The following ANK3 variants were observed in gnomAD, a reference collection of about 807,000 sequenced individuals.
ANK3 encodes ankyrin-3.
In ANK3, 57 loss-of-function variants were observed where a neutral mutation model predicts 370.9. The ratio of observed to expected loss-of-function variants is 0.15; its 90% CI spans 0.12 to 0.19. ANK3 has a LOEUF of 0.19. ANK3 is among the 10% of genes least tolerant of loss of function. The probability of loss-of-function intolerance (pLI) is 1.00; values close to 1 mark genes in which losing one functional copy is unlikely to be tolerated. For missense variants in ANK3, 4,439 were observed against 5,302.1 expected, an observed-to-expected ratio of 0.84 and a Z score of 5.06; for synonymous variants, 1,929 against 1,946.3, an observed-to-expected ratio of 0.99 and a Z score of 0.23.
chr10:60,485,261 G>A (rs551349906), intron 2 of ANK3, among the ~76,000 whole-genome samples: 21 of 152,054 alleles, frequency 1.4e-4, no homozygotes, highest in Non-Finnish European at 2.6e-4. Flanking sequence ...GTCTACACCT[G>A]TTCAGGATCC....
chr10:60,163,705 A>G (rs1336827635), intron 23 of ANK3, among the ~76,000 whole-genome samples: 1 of 152,134 alleles, frequency 6.6e-6, no homozygotes, highest in Non-Finnish European at 1.5e-5. Context: ...TTAATTTTTT[A>G]TCTTATTTAT....
chr10:60,562,455 C>T (rs2077359877), intron 2 of ANK3, among the ~76,000 whole-genome samples: 1 of 152,066 alleles, frequency 6.6e-6, no homozygotes, highest in Non-Finnish European at 1.5e-5. Flanking sequence ...GCTCTGCCTC[C>T]CAGGCTGGAG....
intron 2 of ANK3, among the ~76,000 whole-genome samples, chr10:60,500,456 C>A (rs1258510617): frequency 1.3e-5 from 2 of 152,230 alleles, no homozygotes; most frequent in South Asian, 2.1e-4. Context: ...AAACCAGGTA[C>A]CTTGTGCACA....
intron 1 of ANK3, among the ~76,000 whole-genome samples, chr10:60,645,932 T>C (rs2078704274): frequency 6.6e-6 from 1 of 152,276 alleles, no homozygotes; most frequent in South Asian, 2.1e-4. Context: ...TTACACAAAA[T>C]TGTATTTAAT....
At chr10:60,220,201 T>G (rs896467272) in intron 8 of ANK3, among the ~76,000 whole-genome samples, 3 of 152,214 alleles carry the variant, frequency 2.0e-5, no homozygotes, top group Non-Finnish European at 4.4e-5. Flanking sequence ...CAGTGATTTT[T>G]TTTTATGAAC....
chr10:60,411,081 C>T (rs953708955), intron 2 of ANK3, among the ~76,000 whole-genome samples: 2 of 152,160 alleles, frequency 1.3e-5, no homozygotes, highest in Non-Finnish European at 2.9e-5. Flanking sequence ...GATAATGGAG[C>T]CCCAAGCTGG....
chr10:60,264,056 T>A lies in ANK3; in HGVS notation c.514-36A>T, dbSNP rs1324750587. On this transcript the variant is annotated intron_variant, in intron 5 of 43. Coordinates refer to ENST00000280772, the MANE Select transcript of ANK3 (RefSeq NM_020987.5). Reference sequence around the variant, plus strand: ...ATGGATGGGTCAAGATGGGCTCCAATGAATATTTTCTTTTTTATTAAATTA... The same window carrying A: ...ATGGATGGGTCAAGATGGGCTCCAAAGAATATTTTCTTTTTTATTAAATTA... 3.2e-6 allele frequency: 5 copies of A among 1,548,948 alleles called. No homozygotes were observed. In the East Asian group the frequency reaches 1.1e-4, roughly 36 times the overall value.
chr10:60,534,486 G>GAT (rs1428345774), intron 2 of ANK3, among the ~76,000 whole-genome samples: 4 of 151,876 alleles, frequency 2.6e-5, no homozygotes, highest in African/African-American at 9.7e-5. Flanking sequence ...AATTCTTCAG[G>GAT]ATATATATAT....
At chr10:60,369,477 G>T (rs542373192) in intron 1 of ANK3, among the ~76,000 whole-genome samples, 1 of 152,234 alleles carries the variant, frequency 6.6e-6, no homozygotes, top group African/African-American at 2.4e-5. Context: ...ACCCAGCTGT[G>T]GTCTACAGCA....
chr10:60,493,232 G>A (rs777126665), intron 2 of ANK3, among the ~76,000 whole-genome samples: 3 of 152,116 alleles, frequency 2.0e-5, no homozygotes, highest in Non-Finnish European at 4.4e-5. Flanking sequence ...TAGACTAATG[G>A]GAGTTGCTGA....
At chr10:60,660,255 A>T (rs983806332) in intron 1 of ANK3, among the ~76,000 whole-genome samples, 1 of 152,148 alleles carries the variant, frequency 6.6e-6, no homozygotes, top group Non-Finnish European at 1.5e-5. Context: ...TTGAATATAC[A>T]TACCTCTGCA....
chr10:60,053,872 C>T, intron 42 of ANK3: 1 of 462,014 alleles, frequency 2.2e-6, no homozygotes, highest in South Asian at 3.7e-5. Flanking sequence ...TTCATGTCTC[C>T]TAGAAGCTTT....
At chr10:60,168,485 G>A (rs12360429) in intron 21 of ANK3, among the ~76,000 whole-genome samples, 1 of 151,994 alleles carries the variant, frequency 6.6e-6, no homozygotes, top group Admixed American at 6.6e-5. Flanking sequence ...ATGACATTTA[G>A]TTGTGTCTCC....
intron 2 of ANK3, among the ~76,000 whole-genome samples, chr10:60,579,382 TAAATA>T (rs1435743900): frequency 5.1e-5 from 4 of 78,566 alleles, no homozygotes; most frequent in Admixed American, 2.3e-4. Flanking sequence ...AATAAATAAA[TAAATA>T]AAATAAAGGA....
At chr10:60,288,462 G>A (rs1408824529) in intron 1 of ANK3, among the ~76,000 whole-genome samples, 3 of 152,174 alleles carry the variant, frequency 2.0e-5, no homozygotes, top group Admixed American at 6.5e-5. Context: ...GAAGCTCATC[G>A]GGAAGGGCCA....
At chr10:60,467,934 A>G (rs2065045882) in intron 2 of ANK3, among the ~76,000 whole-genome samples, 1 of 152,106 alleles carries the variant, frequency 6.6e-6, no homozygotes. Flanking sequence ...AATTACTGAG[A>G]CAAAGTTAAA....
At chr10:60,353,483 A>G (rs533324725) in intron 1 of ANK3, among the ~76,000 whole-genome samples, 16 of 152,222 alleles carry the variant, frequency 1.1e-4, no homozygotes, top group African/African-American at 2.9e-4. Flanking sequence ...TTTACTGCCT[A>G]TAGGATTTCC....
At position 60,186,907 on chromosome 10, in the gene ANK3, A is replaced by G; in HGVS notation, c.1893T>C (p.Gly631=). The G allele has an allele frequency of 6.2e-7, 1 of 1,614,052 alleles. No individual in the cohort carries two copies. The change falls in exon 17 of 44, where the codon GGT becomes GGC. Residue 631 remains glycine, a synonymous_variant. Transcript: ENST00000280772. ...GASPHAAAKN[G]YTPLHIAAKK... The stretch of plus-strand genomic sequence containing the variant: ...TGGCAGCGATGTGCAGTGGCGTATA[A>G]CCATTCTGTCAACACAAATCACTTG...
At chr10:60,577,618 G>A (rs757874250) in intron 2 of ANK3, among the ~76,000 whole-genome samples, 8 of 152,022 alleles carry the variant, frequency 5.3e-5, no homozygotes, top group East Asian at 1.9e-4. Flanking sequence ...ATTGTGAGGC[G>A]TCCCCAGCCA....
Sources: allele counts gnomAD v4.1 joint callset (sites outside exome capture counted in the v4.1 genomes callset), GRCh38; gene constraint gnomAD v4.1.1; transcripts MANE v1.5; gene names NCBI Gene and HGNC (gene_info 2026-07-23, HGNC 2026-07-21).